The following STAG2 variants were observed in gnomAD, a reference collection of about 807,000 sequenced individuals.
The protein encoded by STAG2 is STAG2 cohesin complex component.
Under a neutral mutation model 108.1 loss-of-function variants are expected in STAG2, and 14 were observed. That is an observed-to-expected ratio of 0.13 (90% CI 0.09 to 0.20). The LOEUF is 0.20. STAG2 is among the 10% of genes least tolerant of loss of function. The pLI is 1.00. For missense variants in STAG2, 440 were observed against 940.9 expected (o/e 0.47, Z 6.96); for synonymous variants, 307 against 302.7 (o/e 1.01, Z -0.15).
chrX:124,061,743 C>CTTT (rs36097834), intron 16 of STAG2, 28 bp from the exon 17 acceptor site: 10,009 of 468,412 alleles, frequency 0.021, 356 homozygotes, highest in African/African-American at 0.045. Flanking sequence ...CTCTTTCTGA[C>CTTT]TTTTTTTTTT....
intron 1 of STAG2, among the ~76,000 whole-genome samples, chrX:124,011,349 A>C: frequency 9.0e-6 from 1 of 111,266 alleles, no homozygotes; most frequent in Non-Finnish European, 1.9e-5. Context: ...CTTTCTTTCT[A>C]ACTTGGATGC....
intron 7 of STAG2, among the ~76,000 whole-genome samples, chrX:124,044,420 G>A (rs954331186): frequency 2.0e-4 from 22 of 111,928 alleles, no homozygotes; most frequent in Admixed American, 1.9e-4. Context: ...AAAATGTTCT[G>A]TTGACAAAAA....
At chrX:124,018,384 T>C (rs779138448) in intron 1 of STAG2, among the ~76,000 whole-genome samples, 41 of 112,022 alleles carry the variant, frequency 3.7e-4, no homozygotes, top group Middle Eastern at 9.3e-3. Flanking sequence ...TGAAGTCAAA[T>C]GGTATTAAGC....
intron 1 of STAG2, among the ~76,000 whole-genome samples, chrX:123,998,693 G>A (rs2055885034): frequency 9.1e-6 from 1 of 109,906 alleles, no homozygotes; most frequent in Non-Finnish European, 1.9e-5. Context: ...GATTTGATTT[G>A]TACTTCCCTA....
In STAG2 at chrX:124,019,145, C is replaced by G. The variant is rs1186908045; in HGVS notation, c.-162-2222C>G. Among the ~76,000 whole-genome samples the G allele has an allele frequency of 4.8e-5, 5 of 104,808 alleles. No homozygotes were observed. The Admixed American group carries it at 5.2e-4, about 11-fold the overall frequency. 91.0% of individuals were successfully genotyped at this position (104,808 alleles called of 115,157 possible). ...GCGCAGTCTTGGCTCACTGCAAGCT[C>G]CACCTTCCGGGTTCACGCCATTCTC... On this transcript the variant is annotated intron_variant, in intron 1 of 34. Transcript: ENST00000371145.
At chrX:124,047,699 G>A (rs894339988) in intron 9 of STAG2, among the ~76,000 whole-genome samples, 194 bp downstream of exon 9, 1 of 111,769 alleles carries the variant, frequency 8.9e-6, no homozygotes, top group Non-Finnish European at 1.9e-5. Context: ...TTCAACCTGC[G>A]TGGACTAGTA....
intron 1 of STAG2, among the ~76,000 whole-genome samples, chrX:123,963,585 A>C (rs1049071554): frequency 9.2e-6 from 1 of 108,297 alleles, no homozygotes; most frequent in African/African-American, 3.4e-5. Context: ...GTTGAATTGC[A>C]GTTTTATGAC....
intron 4 of STAG2, among the ~76,000 whole-genome samples, chrX:124,028,586 T>G (rs924494277): frequency 9.1e-6 from 1 of 109,962 alleles, no homozygotes; most frequent in Admixed American, 9.8e-5. Context: ...TTCAGATGTT[T>G]CAGGTGTTCC....
At chrX:124,057,818 A>AT in intron 14 of STAG2, 48 bp from the exon 15 acceptor site, 2 of 889,149 alleles carry the variant, frequency 2.2e-6, no homozygotes, top group Non-Finnish European at 3.1e-6. Context: ...TTATTAGAAA[A>AT]TTTTTTGTTG....
chrX:123,977,762 T>C (rs2054686191), intron 1 of STAG2, among the ~76,000 whole-genome samples: 1 of 110,208 alleles, frequency 9.1e-6, no homozygotes, highest in Admixed American at 9.8e-5. Flanking sequence ...GCTTAAACTT[T>C]TTCTAAGCAC....
intron 1 of STAG2, among the ~76,000 whole-genome samples, chrX:123,985,723 A>AC (rs1167890201): frequency 9.3e-6 from 1 of 107,574 alleles, no homozygotes; most frequent in Non-Finnish European, 1.9e-5. Context: ...GGCACGCTCT[A>AC]CCGTACCAGG....
At position 124,029,009 on chromosome X, in the gene STAG2, A is replaced by ATT. The variant is rs1380937259; in HGVS notation, c.124-1951_124-1950insTT. Among the ~76,000 whole-genome samples the ATT allele has an allele frequency of 1.4e-4, 12 of 88,361 alleles. 1 individual carries two copies. The highest frequency in any genetic ancestry group is 5.2e-4 in the African/African-American group (12 of 23,092). The allele number at this position is 88,361 out of a possible 115,157, so 76.7% of individuals were successfully genotyped here. A position where few individuals can be genotyped will look rare whatever the true frequency, so the allele number is the denominator to read the frequency against. On this transcript the variant is annotated intron_variant, in intron 4 of 34. Transcript: ENST00000371145. ...TTTATATATATATATATATATATAT[A>ATT]TATATTTATTTATTTATTTATTTTT...
chrX:124,063,045 C>T, intron 18 of STAG2, 51 bp downstream of exon 18: 1 of 1,165,490 alleles, frequency 8.6e-7, no homozygotes, highest in Non-Finnish European at 1.2e-6. Flanking sequence ...TTTTTTTTCC[C>T]TAAATGCCTC....
Position 124,047,460 on chromosome X carries a change from A to G in STAG2, c.774A>G (p.Lys258=), listed in dbSNP as rs201520178. 42 of 1,207,373 alleles carry G rather than the reference A, an allele frequency of 3.5e-5. No homozygotes were observed. The highest frequency in any genetic ancestry group is 4.4e-5 in the Non-Finnish European group (39 of 893,756). ...YEAERNKMIG[K]RANERLELLL... ...CAGAACGGAATAAAATGATTGGAAA[A>G]CGAGCCAATGAGAGGCTAGAACTCC... The change falls in exon 9 of 35, where the codon AAA becomes AAG. Residue 258 remains lysine, a synonymous_variant. Transcript: ENST00000371145.
intron 1 of STAG2, among the ~76,000 whole-genome samples, chrX:124,009,942 T>G (rs1351280423): frequency 9.0e-6 from 1 of 111,492 alleles, no homozygotes; most frequent in Non-Finnish European, 1.9e-5. Flanking sequence ...CAAAATATTC[T>G]GAGTGTAGAT....
chrX:124,056,534 C>T (rs991965775), intron 14 of STAG2, among the ~76,000 whole-genome samples: 5 of 108,238 alleles, frequency 4.6e-5, no homozygotes, highest in Admixed American at 3.0e-4. Flanking sequence ...GAGATCGAGA[C>T]CATCCTGGCT....
chrX:123,968,135 G>A (rs758598993), intron 1 of STAG2, among the ~76,000 whole-genome samples: 1 of 111,304 alleles, frequency 9.0e-6, no homozygotes, highest in Admixed American at 9.5e-5. Flanking sequence ...GCCTGACCTC[G>A]TGATCCGCCT....
At chrX:123,998,976 G>C (rs2055897696) in intron 1 of STAG2, among the ~76,000 whole-genome samples, 1 of 110,812 alleles carries the variant, frequency 9.0e-6, no homozygotes, top group Admixed American at 9.7e-5. Context: ...CAAGCATGGT[G>C]GTGCCTGGGT....
intron 1 of STAG2, among the ~76,000 whole-genome samples, chrX:123,966,816 A>G (rs1013704770): frequency 4.2e-4 from 47 of 112,077 alleles, no homozygotes; most frequent in Non-Finnish European, 4.9e-4. Context: ...TGCTTGCTAT[A>G]GATCTTTGAT....
Sources: allele counts gnomAD v4.1 joint callset (sites outside exome capture counted in the v4.1 genomes callset), GRCh38; gene constraint gnomAD v4.1.1; transcripts MANE v1.5; gene names NCBI Gene and HGNC (gene_info 2026-07-23, HGNC 2026-07-21).